EML6: variants seen among roughly 807,000 people sequenced by gnomAD.
The protein encoded by EML6 is echinoderm microtubule-associated protein-like 6.
EML6 carries 154 observed loss-of-function variants against 240.1 expected under a neutral mutation model. The observed-to-expected ratio is 0.64, with a 90% CI of 0.56 to 0.73. The LOEUF (loss-of-function observed/expected upper bound fraction) is 0.73. Among genes scored for constraint, EML6 ranks in the 30% least tolerant of loss-of-function variants. The pLI is 0.00. For missense variants in EML6, 2,964 were observed against 2,474.6 expected (o/e 1.20, Z -4.20); for synonymous variants, 1,148 against 899.0 (o/e 1.28, Z -4.95).
In EML6 at chr2:54,725,818, A is replaced by T. The variant is rs537034477; in HGVS notation, c.197+560A>T. Among the ~76,000 whole-genome samples the T allele has an allele frequency of 1.1e-4, 16 of 152,370 alleles. No individual in the cohort carries two copies. The East Asian group carries it at 3.1e-3, about 29-fold the overall frequency. On this transcript the variant is annotated intron_variant, in intron 2 of 41. Transcript: ENST00000356458. The surrounding 1 kb of genome is among the most constrained non-coding windows in gnomAD (Gnocchi z 4.3). ...TTGGCAGTGTTTTAATGCCCAAAGCATATTTATACACTAAATGGATGCTTC... is the reference window on the plus strand; with the variant it reads ...TTGGCAGTGTTTTAATGCCCAAAGCTTATTTATACACTAAATGGATGCTTC...
At position 54,869,505 on chromosome 2, in the gene EML6, T is replaced by G. The variant is rs1671143622; in HGVS notation, c.2238+138T>G. 27 of 708,210 alleles carry G rather than the reference T, an allele frequency of 3.8e-5. 1 individual carries two copies. The South Asian group carries it at 5.1e-4, about 13-fold the overall frequency. The allele number at this position is 708,210 out of a possible 1,614,324, so 43.9% of individuals were successfully genotyped here. On this transcript the variant is annotated intron_variant, in intron 15 of 41. Coordinates refer to ENST00000356458, the MANE Select transcript of EML6 (RefSeq NM_001039753.4). Reference sequence around the variant, plus strand: ...AGGTGAAGATTGAATGATCATTGGATCCTTCCAAGATCATGGGAGAATCAA... The same window carrying G: ...AGGTGAAGATTGAATGATCATTGGAGCCTTCCAAGATCATGGGAGAATCAA...
chr2:54,961,726 G>A (rs980309097), intron 35 of EML6, among the ~76,000 whole-genome samples: 3 of 151,972 alleles, frequency 2.0e-5, no homozygotes, highest in Admixed American at 1.3e-4. Context: ...ACACTGGCCA[G>A]GCATGGTGGC....
intron 5 of EML6, among the ~76,000 whole-genome samples, chr2:54,823,069 T>A (rs1668403377): frequency 6.6e-6 from 1 of 152,132 alleles, no homozygotes; most frequent in Admixed American, 6.5e-5. Context: ...AAAAACTCAT[T>A]CAGTTTAATA....
chr2:54,897,543 C>T (rs1450157077), intron 21 of EML6, among the ~76,000 whole-genome samples: 1 of 152,174 alleles, frequency 6.6e-6, no homozygotes, highest in Non-Finnish European at 1.5e-5. Flanking sequence ...TGCCAGAGCC[C>T]TTGTTCACCT....
intron 7 of EML6, among the ~76,000 whole-genome samples, chr2:54,838,621 A>G (rs1669277203): frequency 6.6e-6 from 1 of 152,198 alleles, no homozygotes; most frequent in South Asian, 2.1e-4. Flanking sequence ...GGGAATTGGA[A>G]GGTTGCTGTT....
At chr2:54,940,946 T>G (rs1031147071) in intron 28 of EML6, among the ~76,000 whole-genome samples, 2 of 152,208 alleles carry the variant, frequency 1.3e-5, no homozygotes, top group Admixed American at 6.5e-5. Flanking sequence ...GTCAGCAGGT[T>G]TACAATGAAA....
At chr2:54,726,498 T>G (rs1682915053) in intron 2 of EML6, among the ~76,000 whole-genome samples, 1 of 152,124 alleles carries the variant, frequency 6.6e-6, no homozygotes, top group South Asian at 2.1e-4. Flanking sequence ...GGCAAGCACT[T>G]AATATTCAAA....
intron 32 of EML6, among the ~76,000 whole-genome samples, chr2:54,956,282 CTTT>C (rs1382899846): frequency 5.9e-4 from 2 of 3,376 alleles, no homozygotes; most frequent in Non-Finnish European, 1.2e-3. Context: ...AATCTCTTTC[CTTT>C]GTTTGCACTT....
intron 11 of EML6, among the ~76,000 whole-genome samples, chr2:54,857,941 C>A (rs1054072118): frequency 6.6e-6 from 1 of 152,212 alleles, no homozygotes; most frequent in Non-Finnish European, 1.5e-5. Flanking sequence ...TTCCAGCTTA[C>A]AAAGGCTATA....
At chr2:54,871,065 G>C (rs562709431) in intron 15 of EML6, among the ~76,000 whole-genome samples, 1 of 152,310 alleles carries the variant, frequency 6.6e-6, no homozygotes, top group East Asian at 1.9e-4. Flanking sequence ...GGGAGAAGCG[G>C]GGCCAGGCCT....
At position 54,878,461 on chromosome 2, in the gene EML6, C is replaced by A. The variant is rs1348967780; in HGVS notation, c.2345-1086C>A. ...AGAGATGGTTCTGTGTTGAATCTAG[C>A]CTTGCAGGAAGGCAGCAAAGGAAAG... is the stretch of plus-strand genomic sequence containing the variant. On this transcript the variant is annotated intron_variant, in intron 16 of 41. Transcript: ENST00000356458. Among the ~76,000 whole-genome samples, 4 of 152,182 alleles carry A rather than the reference C, an allele frequency of 2.6e-5. No individual in the cohort carries two copies. In the South Asian group the frequency reaches 8.3e-4, roughly 31 times the overall value.
chr2:54,972,007 ATT>A lies in EML6; in HGVS notation c.*1914_*1915del, dbSNP rs1392331532. 3.3e-5 allele frequency: 5 copies of A among 152,086 alleles called. No individual in the cohort carries two copies. The highest frequency in any genetic ancestry group is 3.9e-4 in the East Asian group (2 of 5,186). The allele number at this position is 152,086 out of a possible 1,614,324, so 9.4% of individuals were successfully genotyped here. On this transcript the variant is annotated 3_prime_UTR_variant, in exon 42 of 42. Transcript: ENST00000356458. ...TTAAACATTTTATGTGTCAAATAAA[ATT>A]TGATTATGTAAACACATTTGTTGAC...
chr2:54,882,165 A>G (rs997519528), intron 17 of EML6: 35 of 152,228 alleles, frequency 2.3e-4, no homozygotes, highest in Admixed American at 1.1e-3. Flanking sequence ...TTTATTTTCA[A>G]GATCTCTGTG....
At chr2:54,944,400 G>T (rs1275205198) in intron 28 of EML6, among the ~76,000 whole-genome samples, 1 of 152,152 alleles carries the variant, frequency 6.6e-6, no homozygotes, top group Non-Finnish European at 1.5e-5. Flanking sequence ...ATGACAAAGT[G>T]CTGTGAAGTC....
chr2:54,919,249 C>T (rs546598250), intron 26 of EML6, among the ~76,000 whole-genome samples: 5,855 of 145,166 alleles, frequency 0.04, 194 homozygotes, highest in Middle Eastern at 0.13. Flanking sequence ...GCTTCCCCCC[C>T]CCCCCAATCC....
At chr2:54,837,790 G>T (rs764860518) in intron 7 of EML6, among the ~76,000 whole-genome samples, 4 of 152,200 alleles carry the variant, frequency 2.6e-5, no homozygotes, top group African/African-American at 4.8e-5. Context: ...CTCTGGTCCA[G>T]ACCAACTGGG....
intron 2 of EML6, among the ~76,000 whole-genome samples, chr2:54,799,302 C>T (rs914976114): frequency 6.6e-6 from 1 of 151,948 alleles, no homozygotes; most frequent in African/African-American, 2.4e-5. Context: ...CTCAGGTGAT[C>T]TGCCTGCCCC....
At position 54,921,711 on chromosome 2, in the gene EML6, A is replaced by G. The variant is rs546774698; in HGVS notation, c.3675+4776A>G. 2.0e-5 allele frequency among the ~76,000 whole-genome samples: 3 copies of G among 152,132 alleles called. No homozygotes were observed. The East Asian group carries it at 5.8e-4, about 29-fold the overall frequency. The stretch of plus-strand genomic sequence containing the variant: ...TACAAAGCTATAGTAATCAAAATGT[A>G]TGGTACTGACATAAAAACACATAGA... On this transcript the variant is annotated intron_variant, in intron 26 of 41. Coordinates refer to ENST00000356458, the MANE Select transcript of EML6 (RefSeq NM_001039753.4).
At chr2:54,887,616 C>G (rs1672220377) in intron 17 of EML6, among the ~76,000 whole-genome samples, 1 of 152,174 alleles carries the variant, frequency 6.6e-6, no homozygotes. Context: ...ACCTATTCTT[C>G]TAATGTTCTA....
Sources: allele counts gnomAD v4.1 joint callset (sites outside exome capture counted in the v4.1 genomes callset), GRCh38; gene constraint gnomAD v4.1.1; non-coding constraint Gnocchi (gnomAD v3.1); transcripts MANE v1.5; gene names NCBI Gene and HGNC (gene_info 2026-07-23, HGNC 2026-07-21).